Variants in CPAMD8 observed in about 807,000 individuals in gnomAD.
The protein encoded by CPAMD8 is C3 and PZP-like alpha-2-macroglobulin domain-containing protein 8.
CPAMD8 carries 146 observed loss-of-function variants against 224.7 expected under a neutral mutation model. The observed-to-expected ratio is 0.65, with a 90% CI of 0.57 to 0.75. The LOEUF is 0.75. CPAMD8 is among the 30% of genes least tolerant of loss of function. The pLI is 0.00. For missense variants in CPAMD8, 2,301 were observed against 2,537.5 expected (o/e 0.91, Z 2.00); for synonymous variants, 966 against 1,044.6 (o/e 0.92, Z 1.45).
At position 16,904,176 on chromosome 19, in the gene CPAMD8, A is replaced by AGGGCCCCCCCCCCCCCCCCCCCCCCCCCC; in HGVS notation, c.4251+49_4251+50insGGGGGGGGGGGGGGGGGGGGGGGGGGCCC. The AGGGCCCCCCCCCCCCCCCCCCCCCCCCCC allele has an allele frequency of 6.4e-6, 6 of 937,324 alleles. No homozygotes were observed. In the East Asian group the frequency reaches 7.8e-5, roughly 12 times the overall value. 58.1% of individuals were successfully genotyped at this position (937,324 alleles called of 1,614,324 possible). On this transcript the variant is annotated intron_variant, in intron 32 of 41. Coordinates refer to ENST00000443236, the MANE Select transcript of CPAMD8 (RefSeq NM_015692.5). Reference sequence around the variant, plus strand: ...AGAGCTCAAAACAAGGACTGCAGGGACCCCACCCACCCAGCCCTGAGCCCC... The same window carrying AGGGCCCCCCCCCCCCCCCCCCCCCCCCCC: ...AGAGCTCAAAACAAGGACTGCAGGGAGGGCCCCCCCCCCCCCCCCCCCCCCCCCCCCCCACCCACCCAGCCCTGAGCCCC...
rs79049502 is a variant in CPAMD8, at chr19:16,928,263, G to A, written c.3145-29C>T. The A allele has an allele frequency of 2.8e-3, 4,512 of 1,590,594 alleles. 116 individuals are homozygous for A. In the African/African-American group the frequency reaches 0.053, roughly 19 times the overall value. The stretch of plus-strand genomic sequence containing the variant: ...GAAAAAGAAACCAAGGCTGCTGGAC[G>A]CTGGCAGGAAGCAGGCAGTAGGCAC... On this transcript the variant is annotated intron_variant, in intron 24 of 41. Transcript: ENST00000443236.
intron 39 of CPAMD8, chr19:16,897,093 C>T (rs1286796684): frequency 8.5e-6 from 1 of 118,282 alleles, no homozygotes; most frequent in African/African-American, 3.4e-5. Context: ...CCACTCTTAA[C>T]CCCGCCCCCT....
intron 29 of CPAMD8, among the ~76,000 whole-genome samples, chr19:16,912,511 G>A (rs1357298912): frequency 6.6e-6 from 1 of 152,366 alleles, no homozygotes. Context: ...TACTTTGGGA[G>A]GCCAAGGCAG....
intron 30 of CPAMD8, among the ~76,000 whole-genome samples, chr19:16,906,069 C>A (rs2052464792): frequency 1.3e-5 from 2 of 152,128 alleles, no homozygotes; most frequent in Admixed American, 6.5e-5. Context: ...GCTGGGGATC[C>A]CTCTCTGAGA....
Position 16,997,091 on chromosome 19 carries a change from CA to C in CPAMD8, c.1095+19del. On this transcript the variant is annotated intron_variant, in intron 11 of 41. Transcript: ENST00000443236. ...ACGGTGGTCCTTGGGCGGGAGGCAG[CA>C]CAGTCACCCCCAAGTTACCTTCCCC... 1 of 1,536,414 alleles carries C rather than the reference CA, an allele frequency of 6.5e-7. No individual in the cohort carries two copies. Among genetic ancestry groups the C allele is most frequent in the Non-Finnish European group, 9.0e-7 (1 of 1,109,492 alleles).
At chr19:16,971,704 C>T (rs2055068709) in intron 17 of CPAMD8, among the ~76,000 whole-genome samples, 1 of 152,000 alleles carries the variant, frequency 6.6e-6, no homozygotes, top group Non-Finnish European at 1.5e-5. Flanking sequence ...TAATAAATGC[C>T]ACTGAATTTT....
intron 25 of CPAMD8, among the ~76,000 whole-genome samples, chr19:16,927,141 G>A (rs114509500): frequency 1.3e-5 from 2 of 152,042 alleles, no homozygotes; most frequent in African/African-American, 4.8e-5. Context: ...TGGATTGGCT[G>A]TGTCCCCAAC....
intron 19 of CPAMD8, among the ~76,000 whole-genome samples, chr19:16,956,878 G>A (rs993595791): frequency 2.0e-4 from 31 of 152,020 alleles, no homozygotes; most frequent in Non-Finnish European, 5.9e-5. Flanking sequence ...ATGTTAGAGA[G>A]GGTGGTCTCG....
intron 18 of CPAMD8, among the ~76,000 whole-genome samples, chr19:16,965,713 G>A (rs2054806254): frequency 6.6e-6 from 1 of 152,036 alleles, no homozygotes; most frequent in Non-Finnish European, 1.5e-5. Flanking sequence ...CAAACAGAGA[G>A]CCAAATCATG....
rs374273186 is a variant in CPAMD8, at chr19:16,929,085, C to T, written c.3001G>A (p.Val1001Ile). The change falls in exon 24 of 42, where the codon GTC (valine) becomes ATC (isoleucine). Residue 1001 changes from valine to isoleucine, a missense_variant. Physicochemically the swap from Val to Ile is conservative, Grantham distance 29 (BLOSUM62 3). Around this residue, in one of 4 missense-constraint regions of CPAMD8, gnomAD observed 1,709 missense variants for 1,753.2 expected, o/e 0.97. Transcript: ENST00000443236. The stretch of plus-strand genomic sequence containing the variant: ...CTGGTGTTCTGATGCCCCCCCAGGA[C>T]GATCTCGATCATGCCTGCTGTGTCC... ...PQDTAGMIEI[V>I]LGGHQNTRSW... The T allele has an allele frequency of 2.9e-5, 47 of 1,613,970 alleles. No homozygotes were observed. Among genetic ancestry groups the T allele is most frequent in the East Asian group, 4.5e-5 (2 of 44,898 alleles).
Position 16,952,142 on chromosome 19 carries a change from C to T in CPAMD8, c.2335G>A (p.Val779Met), listed in dbSNP as rs761431411. 8 of 1,551,926 alleles carry T rather than the reference C, an allele frequency of 5.2e-6. No homozygotes were observed. ...VKVPDSITSW[V>M]GEAVALSTSQ... ...GTGGACAGGGCCACGGCCTCACCCACCCAGCTGGTGATGGAGTCCGGGACC... is the reference window on the plus strand; with the variant it reads ...GTGGACAGGGCCACGGCCTCACCCATCCAGCTGGTGATGGAGTCCGGGACC... The change falls in exon 20 of 42, where the codon GTG becomes ATG. Residue 779 changes from valine to methionine, a missense_variant. Val to Met is a conservative substitution (Grantham distance 21). Transcript: ENST00000443236.
chr19:17,017,323 A>G (rs1487879488), intron 3 of CPAMD8, among the ~76,000 whole-genome samples: 5 of 152,130 alleles, frequency 3.3e-5, no homozygotes, highest in Admixed American at 6.5e-5. Flanking sequence ...ATTTCGTTAT[A>G]TATTACAGTG....
chr19:16,931,620 A>T (rs1488290074), intron 23 of CPAMD8, among the ~76,000 whole-genome samples: 1 of 152,182 alleles, frequency 6.6e-6, no homozygotes, highest in Non-Finnish European at 1.5e-5. Context: ...GCTTCCTGGA[A>T]GTCCAAGAGT....
intron 7 of CPAMD8, among the ~76,000 whole-genome samples, chr19:17,005,717 C>T (rs749784587): frequency 5.3e-5 from 8 of 152,078 alleles, no homozygotes; most frequent in Non-Finnish European, 1.0e-4. Flanking sequence ...ACGACAGAAC[C>T]GAAAACCCAT....
At chr19:16,931,186 C>G (rs2053535256) in intron 23 of CPAMD8, among the ~76,000 whole-genome samples, 3 of 152,148 alleles carry the variant, frequency 2.0e-5, no homozygotes, top group Non-Finnish European at 4.4e-5. Flanking sequence ...AAGAATCACC[C>G]CACCCCTGCC....
At chr19:16,946,002 T>C (rs372083905) in intron 21 of CPAMD8, among the ~76,000 whole-genome samples, 3 of 152,200 alleles carry the variant, frequency 2.0e-5, no homozygotes, top group Non-Finnish European at 4.4e-5. Flanking sequence ...TGTGTGCATA[T>C]GCATGTGTGT....
rs2057087700 is a variant in CPAMD8 at position 17,026,568 on chromosome 19, G to A, written c.75C>T (p.Ala25=). 2 of 1,527,336 alleles carry A rather than the reference G, an allele frequency of 1.3e-6. No individual in the cohort carries two copies. The highest frequency in any genetic ancestry group is 1.2e-5 in the South Asian group (1 of 84,300). The allele number at this position is 1,527,336 out of a possible 1,614,324, so 94.6% of individuals were successfully genotyped here. Residue 25 remains alanine (A), a synonymous_variant, in exon 1 of 42, where the codon GCC becomes GCT. Transcript: ENST00000443236. ...ATACTCACGGGGCCTGAGGCTGCGC[G>A]GCGCGCACGCCGTCCCGCGCCGACA... ...LLLSARDGVR[A]AQPQAPGYLI...
At chr19:16,904,175 G>GACCCCCCCCCCCCCCCCCCACAC in intron 32 of CPAMD8, 51 bp downstream of exon 32, 1 of 1,060,418 alleles carries the variant, frequency 9.4e-7, no homozygotes, top group Non-Finnish European at 1.4e-6. Flanking sequence ...GGACTGCAGG[G>GACCCCCCCCCCCCCCCCCCACAC]ACCCCACCCA....
At chr19:16,965,013 C>T (rs1288326618) in intron 18 of CPAMD8, among the ~76,000 whole-genome samples, 1 of 152,162 alleles carries the variant, frequency 6.6e-6, no homozygotes. Flanking sequence ...GTAATCCTAG[C>T]ACTTTGGGAG....
Sources: allele counts gnomAD v4.1 joint callset (sites outside exome capture counted in the v4.1 genomes callset), GRCh38; gene constraint gnomAD v4.1.1; regional missense constraint gnomAD v4.1.1; transcripts MANE v1.5; gene names NCBI Gene and HGNC (gene_info 2026-07-23, HGNC 2026-07-21).